FSTL4: variants seen among roughly 807,000 people sequenced by gnomAD.
The protein encoded by FSTL4 is follistatin-related protein 4.
In FSTL4, 28 loss-of-function variants were observed where a neutral mutation model predicts 78.2. That is an observed-to-expected ratio of 0.36 (90% CI 0.27 to 0.49). The LOEUF (loss-of-function observed/expected upper bound fraction) is 0.49. Ranked by LOEUF, FSTL4 falls within the 20% of genes least tolerant of loss-of-function variation. The pLI is 0.98. For synonymous variants in FSTL4, 422 were observed against 440.5 expected (o/e 0.96, Z 0.53); for missense variants, 922 against 1,084.9 (o/e 0.85, Z 2.11).
the FSTL4 span, among the ~76,000 whole-genome samples, chr5:133,705,853 G>A: frequency 0.52 from 79,113 of 151,032 alleles, 22,189 homozygotes; most frequent in African/African-American, 0.74. Flanking sequence ...ACACACACAC[G>A]CGCGCACACA....
At chr5:133,742,291 C>T in the FSTL4 span, among the ~76,000 whole-genome samples, 1 of 152,190 alleles carries the variant, frequency 6.6e-6, no homozygotes, top group Admixed American at 6.5e-5. Flanking sequence ...TCAAAAGTGT[C>T]ATCTCATGCC....
At chr5:133,570,396 C>A (rs979165867) in intron 2 of FSTL4, among the ~76,000 whole-genome samples, 1 of 152,084 alleles carries the variant, frequency 6.6e-6, no homozygotes, top group Non-Finnish European at 1.5e-5. Flanking sequence ...GATCTCGACT[C>A]ACTGCAACCT....
chr5:133,357,032 A>C (rs1227202275), intron 4 of FSTL4, among the ~76,000 whole-genome samples: 1 of 152,228 alleles, frequency 6.6e-6, no homozygotes, highest in Non-Finnish European at 1.5e-5. Flanking sequence ...CTGGAGTCTG[A>C]GAAGTCCATT....
At chr5:133,524,669 GCACCCCC>G in intron 3 of FSTL4, among the ~76,000 whole-genome samples, 1 of 152,264 alleles carries the variant, frequency 6.6e-6, no homozygotes, top group Admixed American at 6.5e-5. Flanking sequence ...CTCCAGAAAT[GCACCCCC>G]CACCCCGCCC....
At chr5:133,813,831 A>G in the FSTL4 span, among the ~76,000 whole-genome samples, 1 of 152,242 alleles carries the variant, frequency 6.6e-6, no homozygotes, top group Non-Finnish European at 1.5e-5. Flanking sequence ...AGACTATTAT[A>G]GTTTATTAAC....
At chr5:133,594,163 G>A (rs1760693408) in intron 2 of FSTL4, among the ~76,000 whole-genome samples, 1 of 152,178 alleles carries the variant, frequency 6.6e-6, no homozygotes, top group Non-Finnish European at 1.5e-5. Context: ...CATACTGCCA[G>A]GCATGAACAC....
chr5:133,671,734 AAAGGCAG>A, the FSTL4 span, among the ~76,000 whole-genome samples: 25 of 152,252 alleles, frequency 1.6e-4, no homozygotes, highest in Non-Finnish European at 3.4e-4. Context: ...TAAAAGAGGC[AAAGGCAG>A]AGGAAAACAA....
chr5:133,302,068 A>G (rs1393846282), intron 6 of FSTL4, among the ~76,000 whole-genome samples: 1 of 152,024 alleles, frequency 6.6e-6, no homozygotes, highest in Non-Finnish European at 1.5e-5. Flanking sequence ...CAAACTAGTT[A>G]CGAGCGTTCG....
chr5:133,433,209 G>A (rs988279987), intron 3 of FSTL4, among the ~76,000 whole-genome samples: 2 of 152,224 alleles, frequency 1.3e-5, no homozygotes, highest in African/African-American at 4.8e-5. Flanking sequence ...ACCTGGACAA[G>A]TTCCCCAGAG....
intron 4 of FSTL4, among the ~76,000 whole-genome samples, chr5:133,319,740 G>A (rs150551325): frequency 1.1e-3 from 174 of 152,288 alleles, no homozygotes; most frequent in African/African-American, 4.0e-3. Context: ...CTCCATGCCT[G>A]GGCCAAGCTT....
At chr5:133,840,301 C>T in the FSTL4 span, among the ~76,000 whole-genome samples, 1 of 152,218 alleles carries the variant, frequency 6.6e-6, no homozygotes, top group African/African-American at 2.4e-5. Flanking sequence ...CAATATCTTC[C>T]AGTGCATATG....
chr5:133,523,576 T>A (rs937258061), intron 3 of FSTL4, among the ~76,000 whole-genome samples: 1 of 148,346 alleles, frequency 6.7e-6, no homozygotes, highest in Admixed American at 6.7e-5. Context: ...AAAGTGAAAA[T>A]CATGTAACAT....
At chr5:133,564,749 A>G (rs26363) in intron 3 of FSTL4, among the ~76,000 whole-genome samples, 1 of 152,176 alleles carries the variant, frequency 6.6e-6, no homozygotes, top group South Asian at 2.1e-4. Context: ...AAAGCTAGAC[A>G]GCATGACATC....
chr5:133,631,629 C>A, the FSTL4 span, among the ~76,000 whole-genome samples: 1 of 152,178 alleles, frequency 6.6e-6, no homozygotes, highest in Admixed American at 6.5e-5. Flanking sequence ...ACCATTTGAC[C>A]CAGCAATCCC....
At chr5:133,607,582 C>G (rs919146445) in intron 1 of FSTL4, among the ~76,000 whole-genome samples, 4 of 152,196 alleles carry the variant, frequency 2.6e-5, no homozygotes, top group Non-Finnish European at 5.9e-5. Flanking sequence ...GCACGTAGAC[C>G]CACGACATCT....
intron 6 of FSTL4, among the ~76,000 whole-genome samples, chr5:133,284,526 C>T (rs1272549361): frequency 6.6e-6 from 1 of 152,178 alleles, no homozygotes; most frequent in Non-Finnish European, 1.5e-5. Context: ...GGGCAGTCTC[C>T]TCCCTCTACA....
chr5:133,525,863 C>T (rs755811137), intron 3 of FSTL4, among the ~76,000 whole-genome samples: 1 of 152,180 alleles, frequency 6.6e-6, no homozygotes, highest in African/African-American at 2.4e-5. Flanking sequence ...CTGGTTTACT[C>T]CATCAGCCAG....
chr5:133,471,007 C>T (rs1757816752), intron 3 of FSTL4, among the ~76,000 whole-genome samples: 1 of 151,896 alleles, frequency 6.6e-6, no homozygotes, highest in Non-Finnish European at 1.5e-5. Flanking sequence ...GAGGAAGTTG[C>T]TTAAGAAAAT....
intron 3 of FSTL4, among the ~76,000 whole-genome samples, chr5:133,416,025 C>T (rs1756575918): frequency 6.6e-6 from 1 of 152,190 alleles, no homozygotes; most frequent in African/African-American, 2.4e-5. Context: ...GCACGTTTAA[C>T]GCTCACATCT....
Sources: allele counts gnomAD v4.1 joint callset (sites outside exome capture counted in the v4.1 genomes callset), GRCh38; gene constraint gnomAD v4.1.1; transcripts MANE v1.5; gene names NCBI Gene and HGNC (gene_info 2026-07-23, HGNC 2026-07-21).